Variants in RAB11FIP3 observed in about 807,000 individuals in gnomAD.
The protein encoded by RAB11FIP3 is rab11 family-interacting protein 3.
A neutral mutation model predicts 77.8 loss-of-function variants in RAB11FIP3; 17 were observed. That is an observed-to-expected ratio of 0.22 (90% CI 0.15 to 0.33). RAB11FIP3 has a LOEUF of 0.33. Among genes scored for constraint, RAB11FIP3 ranks in the 10% least tolerant of loss-of-function variants. The probability of loss-of-function intolerance (pLI) is 1.00; values close to 1 mark genes in which losing one functional copy is unlikely to be tolerated. For missense variants in RAB11FIP3, 1,005 were observed against 1,011.2 expected, an observed-to-expected ratio of 0.99 and a Z score of 0.08; for synonymous variants, 437 against 448.2, an observed-to-expected ratio of 0.98 and a Z score of 0.31.
chr16:461,308 C>A lies in RAB11FIP3; in HGVS notation c.715-96C>A. On this transcript the variant is annotated intron_variant, in intron 1 of 13. Transcript: ENST00000262305. The surrounding 1 kb of genome is among the most constrained non-coding windows in gnomAD (Gnocchi z 4.5). ...TCCTGCTGTGCTTCCCCGTTCCCAG[C>A]AGGCCACACACCAGATCTCTCCCAG... 1 of 872,138 alleles carries A rather than the reference C, an allele frequency of 1.1e-6. No homozygotes were observed. The highest frequency in any genetic ancestry group is 1.8e-6 in the Non-Finnish European group (1 of 563,830). The allele number at this position is 872,138 out of a possible 1,614,324, so 54.0% of individuals were successfully genotyped here. A position where few individuals can be genotyped will look rare whatever the true frequency, so the allele number is the denominator to read the frequency against.
chr16:481,339 C>A (rs935424253), intron 3 of RAB11FIP3, among the ~76,000 whole-genome samples: 1 of 151,762 alleles, frequency 6.6e-6, no homozygotes, highest in African/African-American at 2.4e-5. Flanking sequence ...GGTGAAACCC[C>A]GTCTCTACTA....
intron 4 of RAB11FIP3, among the ~76,000 whole-genome samples, chr16:485,063 G>A (rs1224965707): frequency 3.3e-5 from 5 of 152,044 alleles, no homozygotes; most frequent in Admixed American, 3.3e-4. Context: ...GTCAGGGTGG[G>A]AGCTCCTCTG....
At chr16:473,098 C>T (rs868375022) in intron 3 of RAB11FIP3, among the ~76,000 whole-genome samples, 1 of 152,168 alleles carries the variant, frequency 6.6e-6, no homozygotes, top group African/African-American at 2.4e-5. Flanking sequence ...TGTTTCTTCA[C>T]GCCCCGTGGT....
chr16:430,369 G>A (rs1567351409), intron 1 of RAB11FIP3, among the ~76,000 whole-genome samples: 1 of 151,968 alleles, frequency 6.6e-6, no homozygotes, highest in African/African-American at 2.4e-5. Context: ...AAGCAGTTGC[G>A]TTTTAATAGC....
Position 461,578 on chromosome 16 carries a change from C to A in RAB11FIP3, c.808+81C>A. The A allele has an allele frequency of 8.5e-7, 1 of 1,176,584 alleles. No homozygotes were observed. The allele number at this position is 1,176,584 out of a possible 1,614,324, so 72.9% of individuals were successfully genotyped here. The stretch of plus-strand genomic sequence containing the variant: ...TCAGCCACCTGCACATCACCAGGCT[C>A]CTCGTGCTGACTCTAACATCTTTCC... On this transcript the variant is annotated intron_variant, in intron 2 of 13. Transcript: ENST00000262305. The surrounding 1 kb of genome is among the most constrained non-coding windows in gnomAD (Gnocchi z 4.5).
intron 9 of RAB11FIP3, among the ~76,000 whole-genome samples, chr16:515,935 C>T (rs1037099491): frequency 2.0e-5 from 3 of 152,206 alleles, no homozygotes; most frequent in South Asian, 2.1e-4. Flanking sequence ...GACTGCAGGG[C>T]GCCAGCACAC....
chr16:519,755 A>G lies in RAB11FIP3; in HGVS notation c.1724A>G (p.Glu575Gly). ...LKANIERLEE[E>G]KQKLLDEIES... ...CAGGGCAGGTGTCCACCCCTGCAGG[A>G]GAAGCAGAAGCTGTTGGATGAGATA... Residue 575 changes from glutamate to glycine, a missense_variant and splice_region_variant, in exon 11 of 14, where the codon GAG becomes GGG. Physicochemically the swap from Glu to Gly is moderately conservative, Grantham distance 98 (BLOSUM62 -2). This residue lies in a region of RAB11FIP3 where 433 missense variants were observed against 436.1 expected (regional missense o/e 0.99). Coordinates refer to ENST00000262305, the MANE Select transcript of RAB11FIP3 (RefSeq NM_014700.4). 1 of 1,612,572 alleles carries G rather than the reference A, an allele frequency of 6.2e-7. No individual in the cohort carries two copies. Among genetic ancestry groups the G allele is most frequent in the Non-Finnish European group, 8.5e-7 (1 of 1,179,612 alleles).
intron 2 of RAB11FIP3, among the ~76,000 whole-genome samples, chr16:466,409 C>A (rs552717692): frequency 1.8e-4 from 28 of 152,266 alleles, no homozygotes; most frequent in South Asian, 4.2e-4. Flanking sequence ...TTCCTGTGGA[C>A]CATGGCTAAC....
Position 452,864 on chromosome 16 carries a change from C to T in RAB11FIP3, c.715-8540C>T, listed in dbSNP as rs1474224610. ...CCACCTCCCGGGTTCAAGTGATTCT[C>T]GTGCCTCAGCATCCCGAGTAGTTGG... is the stretch of plus-strand genomic sequence containing the variant. On this transcript the variant is annotated intron_variant, in intron 1 of 13. Coordinates refer to ENST00000262305, the MANE Select transcript of RAB11FIP3 (RefSeq NM_014700.4). Among the ~76,000 whole-genome samples the T allele has an allele frequency of 8.4e-5, 6 of 71,058 alleles. 2 individuals carry two copies. Among genetic ancestry groups the T allele is most frequent in the African/African-American group, 3.8e-4 (6 of 15,806 alleles). The allele number at this position is 71,058 out of a possible 152,430, so 46.6% of individuals were successfully genotyped here.
chr16:447,216 G>A (rs572242614), intron 1 of RAB11FIP3, among the ~76,000 whole-genome samples: 44 of 152,118 alleles, frequency 2.9e-4, no homozygotes, highest in African/African-American at 1.1e-3. Flanking sequence ...GAGGCAGGAG[G>A]ATCACTTGAG....
At chr16:492,444 GCCCAGGGCCCT>G (rs1596271303) in intron 5 of RAB11FIP3, among the ~76,000 whole-genome samples, 15 of 138,710 alleles carry the variant, frequency 1.1e-4, no homozygotes, top group African/African-American at 2.4e-4. Flanking sequence ...ACCCGAGGCC[GCCCAGGGCCCT>G]TCCCGGGGAG....
rs533194670 is a variant in RAB11FIP3 at position 462,743 on chromosome 16, C to T, written c.808+1246C>T. On this transcript the variant is annotated intron_variant, in intron 2 of 13. Transcript: ENST00000262305. ...AGTCCCTTCCCCAGCACCATCCCTT[C>T]CCCAGCACCGCACCATCCCTTCCCC... Among the ~76,000 whole-genome samples, 9 of 147,230 alleles carry T rather than the reference C, an allele frequency of 6.1e-5. No homozygotes were observed. In the East Asian group the frequency reaches 1.2e-3, roughly 20 times the overall value.
At chr16:484,224 C>T (rs1398174161) in intron 4 of RAB11FIP3, among the ~76,000 whole-genome samples, 1 of 152,212 alleles carries the variant, frequency 6.6e-6, no homozygotes, top group East Asian at 1.9e-4. Context: ...ACTCCCGCAC[C>T]CAGGGTCCTC....
intron 1 of RAB11FIP3, among the ~76,000 whole-genome samples, chr16:446,383 G>A (rs1009363027): frequency 2.0e-5 from 3 of 152,232 alleles, no homozygotes; most frequent in East Asian, 1.9e-4. Context: ...TTTAGGGGAC[G>A]ACATTGCAGG....
At chr16:479,583 G>C (rs767073143) in intron 3 of RAB11FIP3, among the ~76,000 whole-genome samples, 1 of 152,022 alleles carries the variant, frequency 6.6e-6, no homozygotes, top group Non-Finnish European at 1.5e-5. Context: ...GGCACCTGTA[G>C]TTCCCAGCTA....
rs2054934532 is a variant in RAB11FIP3, at chr16:426,055, C to A, written c.49C>A (p.Pro17Thr). Residue 17 changes from proline to threonine, a missense_variant, in exon 1 of 14, where the codon CCC (proline) becomes ACC (threonine). Physicochemically the swap from Pro to Thr is conservative, Grantham distance 38. Around this residue, in one of 4 missense-constraint regions of RAB11FIP3, gnomAD observed 466 missense variants for 408.3 expected, o/e 1.14. Coordinates refer to ENST00000262305, the MANE Select transcript of RAB11FIP3 (RefSeq NM_014700.4). The surrounding 1 kb of genome is among the most constrained non-coding windows in gnomAD (Gnocchi z 5.0). ...ASPPGSEPPG[P>T]DPEPGGPDGP... ...GCCCCCGGGCTCGGAGCCGCCGGGGCCCGACCCGGAGCCGGGCGGGCCGGA... is the reference window on the plus strand; with the variant it reads ...GCCCCCGGGCTCGGAGCCGCCGGGGACCGACCCGGAGCCGGGCGGGCCGGA... 4 of 999,002 alleles carry A rather than the reference C, an allele frequency of 4.0e-6. No individual in the cohort carries two copies. The highest frequency in any genetic ancestry group is 2.4e-6 in the Non-Finnish European group (2 of 840,684). The allele number at this position is 999,002 out of a possible 1,614,324, so 61.9% of individuals were successfully genotyped here. A position where few individuals can be genotyped will look rare whatever the true frequency, so the allele number is the denominator to read the frequency against.
Position 443,815 on chromosome 16 carries a change from T to C in RAB11FIP3, c.714+17095T>C, listed in dbSNP as rs576433843. ...TCCTGACCTTGTGATCCGCCCGCCT[T>C]GGCCTCCCAAAGTGCTGGGATTACA... On this transcript the variant is annotated intron_variant, in intron 1 of 13. Transcript: ENST00000262305. Among the ~76,000 whole-genome samples, 38 of 152,314 alleles carry C rather than the reference T, an allele frequency of 2.5e-4. No individual in the cohort carries two copies. In the South Asian group the frequency reaches 3.1e-3, roughly 12 times the overall value.
Position 519,868 on chromosome 16 carries a change from AG to A in RAB11FIP3, c.1840del (p.Asp614ThrfsTer8). On this transcript the variant is annotated frameshift_variant, in exon 11 of 14. Transcript: ENST00000262305. LOFTEE classifies it high-confidence loss of function. ...GAGTCACGAGAGGCACCAGTTCCAGAGGGACAAGGAGGCCACCCAGGAGGTG... is the reference window on the plus strand; with the variant it reads ...GAGTCACGAGAGGCACCAGTTCCAGAGGACAAGGAGGCCACCCAGGAGGTG... ...RLSHERHQFQ[R>X]DKEATQELIE... is the part of the protein sequence containing the mutation. 1 of 1,593,312 alleles carries A rather than the reference AG, an allele frequency of 6.3e-7. No individual in the cohort carries two copies. Among genetic ancestry groups the A allele is most frequent in the Non-Finnish European group, 8.5e-7 (1 of 1,170,052 alleles).
chr16:486,078 A>G (rs1181144499), intron 4 of RAB11FIP3, among the ~76,000 whole-genome samples: 1 of 152,052 alleles, frequency 6.6e-6, no homozygotes, highest in African/African-American at 2.4e-5. Flanking sequence ...ATTTTTTTGT[A>G]TTTTTGGTAG....
Sources: allele counts gnomAD v4.1 joint callset (sites outside exome capture counted in the v4.1 genomes callset), GRCh38; gene constraint gnomAD v4.1.1; regional missense constraint gnomAD v4.1.1; non-coding constraint Gnocchi (gnomAD v3.1); transcripts MANE v1.5; gene names NCBI Gene and HGNC (gene_info 2026-07-23, HGNC 2026-07-21).